Variants in PPEF1 observed in about 807,000 individuals in gnomAD.
The protein encoded by PPEF1 is serine/threonine-protein phosphatase with EF-hands 1.
A neutral mutation model predicts 53.3 loss-of-function variants in PPEF1; 12 were observed. The ratio of observed to expected loss-of-function variants is 0.23; its 90% CI spans 0.14 to 0.36. The LOEUF (loss-of-function observed/expected upper bound fraction) is 0.36. PPEF1 is among the 10% of genes least tolerant of loss of function. The pLI is 1.00. For missense variants in PPEF1, 334 were observed against 490.4 expected (o/e 0.68, Z 3.01); for synonymous variants, 165 against 176.7 (o/e 0.93, Z 0.52).
At chrX:18,693,339 C>T (rs920518249) in intron 4 of PPEF1, among the ~76,000 whole-genome samples, 20 of 111,829 alleles carry the variant, frequency 1.8e-4, no homozygotes, top group Admixed American at 6.7e-4. Context: ...CAGGTTAATG[C>T]TCCCAACCTT....
At chrX:18,810,309 TTC>T in intron 12 of PPEF1, among the ~76,000 whole-genome samples, 1 of 108,651 alleles carries the variant, frequency 9.2e-6, no homozygotes, top group South Asian at 4.0e-4. Context: ...AAATTTCTCT[TTC>T]TCTGTCTCTG....
intron 1 of PPEF1, among the ~76,000 whole-genome samples, chrX:18,708,578 G>C (rs2044254343): frequency 8.9e-6 from 1 of 112,073 alleles, no homozygotes; most frequent in Non-Finnish European, 1.9e-5. Flanking sequence ...TTGATGTCTA[G>C]GTTATAGGTA....
intron 1 of PPEF1, among the ~76,000 whole-genome samples, chrX:18,677,668 A>C (rs1287139325): frequency 9.0e-6 from 1 of 111,316 alleles, no homozygotes; most frequent in African/African-American, 3.3e-5. Context: ...GAAAAAATGG[A>C]AGCAATCAGA....
intron 12 of PPEF1, among the ~76,000 whole-genome samples, chrX:18,808,552 CA>C (rs57335377): frequency 0.036 from 3,593 of 99,313 alleles, 151 homozygotes; most frequent in African/African-American, 0.12. Context: ...GACTCAACAG[CA>C]AAAAAAAAAA....
chrX:18,758,051 C>T (rs904717041), intron 5 of PPEF1, among the ~76,000 whole-genome samples: 7 of 110,949 alleles, frequency 6.3e-5, no homozygotes, highest in African/African-American at 2.3e-4. Flanking sequence ...ATCTTTGTTC[C>T]ACGTTGCTTT....
At chrX:18,730,390 C>T in intron 2 of PPEF1, 82 bp downstream of exon 2, 2 of 1,082,268 alleles carry the variant, frequency 1.8e-6, no homozygotes, top group African/African-American at 3.7e-5. Flanking sequence ...AGTTTGGGTC[C>T]ATTTTAAGCT....
At chrX:18,725,571 C>A (rs2044687079) in intron 1 of PPEF1, among the ~76,000 whole-genome samples, 1 of 111,899 alleles carries the variant, frequency 8.9e-6, no homozygotes, top group African/African-American at 3.3e-5. Context: ...GCCTTTCCCA[C>A]CCCTATTGGC....
chrX:18,784,654 A>T (rs1602449280), intron 9 of PPEF1, among the ~76,000 whole-genome samples: 1 of 111,310 alleles, frequency 9.0e-6, no homozygotes, highest in East Asian at 2.8e-4. Flanking sequence ...CACTTATATA[A>T]GTGCAGTTTA....
chrX:18,721,267 T>TA (rs1297227066), intron 1 of PPEF1, among the ~76,000 whole-genome samples: 8 of 112,119 alleles, frequency 7.1e-5, no homozygotes, highest in Non-Finnish European at 1.9e-5. Context: ...AACCAATTGC[T>TA]AGCAAACTTT....
At chrX:18,716,191 A>G (rs1172931977) in intron 1 of PPEF1, among the ~76,000 whole-genome samples, 1 of 112,113 alleles carries the variant, frequency 8.9e-6, no homozygotes, top group Non-Finnish European at 1.9e-5. Context: ...AGCAAACTAA[A>G]TATTTCTTTA....
intron 2 of PPEF1, among the ~76,000 whole-genome samples, chrX:18,730,713 C>CTT (rs754429087): frequency 9.8e-6 from 1 of 102,173 alleles, no homozygotes; most frequent in Admixed American, 1.1e-4. Context: ...TGAGGAAGGC[C>CTT]TTTTTTTTTT....
At chrX:18,824,698 C>G (rs2047132070) in intron 14 of PPEF1, among the ~76,000 whole-genome samples, 1 of 110,233 alleles carries the variant, frequency 9.1e-6, no homozygotes, top group African/African-American at 3.3e-5. Flanking sequence ...GAGTCTCGCT[C>G]TGTTGCCCAG....
upstream of PPEF1, among the ~76,000 whole-genome samples, chrX:18,705,632 T>C (rs748172044): frequency 9.0e-6 from 1 of 111,425 alleles, no homozygotes; most frequent in Admixed American, 9.5e-5. Flanking sequence ...GGAGAATCAC[T>C]TGAGCCCGGG....
At chrX:18,776,189 G>A (rs1212606018) in intron 6 of PPEF1, among the ~76,000 whole-genome samples, 1 of 107,047 alleles carries the variant, frequency 9.3e-6, no homozygotes, top group East Asian at 2.9e-4. Flanking sequence ...CAGAGATGCA[G>A]AATCCTTCCC....
intron 7 of PPEF1, among the ~76,000 whole-genome samples, chrX:18,781,075 G>T (rs1286550592): frequency 5.5e-5 from 5 of 90,364 alleles, no homozygotes; most frequent in African/African-American, 1.6e-4. Context: ...AAAAAAGGGT[G>T]GGGGGAGGGA....
chrX:18,700,997 A>T (rs1216706227), intron 6 of PPEF1, among the ~76,000 whole-genome samples: 1 of 112,287 alleles, frequency 8.9e-6, no homozygotes, highest in Non-Finnish European at 1.9e-5. Flanking sequence ...ATGATTAAAC[A>T]GAGCGAGTCT....
chrX:18,807,676 T>A (rs954211827), intron 12 of PPEF1, among the ~76,000 whole-genome samples: 8 of 111,921 alleles, frequency 7.1e-5, no homozygotes, highest in Non-Finnish European at 1.5e-4. Flanking sequence ...CTTTTTTTTT[T>A]AAAGAAGGAG....
chrX:18,710,325 T>G (rs1425770323), intron 1 of PPEF1, among the ~76,000 whole-genome samples: 1 of 112,187 alleles, frequency 8.9e-6, no homozygotes, highest in Non-Finnish European at 1.9e-5. Flanking sequence ...TTAATGGTGT[T>G]CTTTGAAGCA....
intron 3 of PPEF1, among the ~76,000 whole-genome samples, chrX:18,687,563 C>T (rs923921881): frequency 1.8e-5 from 2 of 111,952 alleles, no homozygotes; most frequent in Middle Eastern, 4.2e-3. Context: ...CACATTTCTT[C>T]TCTAGGATGT....
Sources: allele counts gnomAD v4.1 joint callset (sites outside exome capture counted in the v4.1 genomes callset), GRCh38; gene constraint gnomAD v4.1.1; transcripts MANE v1.5; gene names NCBI Gene and HGNC (gene_info 2026-07-23, HGNC 2026-07-21).